CPXM2: variants seen among roughly 807,000 people sequenced by gnomAD.
CPXM2 encodes carboxypeptidase X, M14 family member 2.
In CPXM2, 66 loss-of-function variants were observed where a neutral mutation model predicts 86.1. The ratio of observed to expected loss-of-function variants is 0.77; its 90% CI spans 0.63 to 0.94. CPXM2 has a LOEUF of 0.94. Among genes scored for constraint, CPXM2 ranks in the 40% least tolerant of loss-of-function variants. The probability of loss-of-function intolerance (pLI) is 0.00; values close to 1 mark genes in which losing one functional copy is unlikely to be tolerated. For synonymous variants in CPXM2, 388 were observed against 400.2 expected (o/e 0.97, Z 0.36); for missense variants, 948 against 1,026.3 (o/e 0.92, Z 1.04).
chr10:123,752,486 G>T lies in CPXM2; in HGVS notation c.2017+2177C>A, dbSNP rs1205635570. ...ACACATTTCCCCCATTTACATATTT[G>T]GTCTTTTATGCCAGGCCCACTGCTA... On this transcript the variant is annotated intron_variant, in intron 13 of 13. Transcript: ENST00000241305. 8.1e-6 allele frequency: 8 copies of T among 985,226 alleles called. No individual in the cohort carries two copies. In the African/African-American group the frequency reaches 1.2e-4, roughly 15 times the overall value. The allele number at this position is 985,226 out of a possible 1,614,324, so 61.0% of individuals were successfully genotyped here. A position where few individuals can be genotyped will look rare whatever the true frequency, so the allele number is the denominator to read the frequency against.
chr10:123,923,726 G>A (rs1945598334), intron 2 of CPXM2, among the ~76,000 whole-genome samples: 1 of 152,240 alleles, frequency 6.6e-6, no homozygotes, highest in Non-Finnish European at 1.5e-5. Context: ...GAAGGACCCA[G>A]TGGGAGATAA....
intron 1 of CPXM2, among the ~76,000 whole-genome samples, chr10:123,880,759 G>C (rs1454790115): frequency 7.0e-6 from 1 of 143,606 alleles, no homozygotes; most frequent in Non-Finnish European, 1.5e-5. Flanking sequence ...AACCTGGGAG[G>C]CAGAGCTTGC....
chr10:123,850,754 C>G (rs1410354164), intron 3 of CPXM2, among the ~76,000 whole-genome samples: 1 of 152,214 alleles, frequency 6.6e-6, no homozygotes, highest in East Asian at 1.9e-4. Context: ...AAATCGTATG[C>G]TGACGCTGCT....
At position 123,788,451 on chromosome 10, in the gene CPXM2, C is replaced by G. The variant is rs1054759407; in HGVS notation, c.890-8196G>C. Among the ~76,000 whole-genome samples the G allele has an allele frequency of 5.9e-5, 9 of 152,248 alleles. No individual in the cohort carries two copies. The East Asian group carries it at 1.4e-3, about 23-fold the overall frequency. On this transcript the variant is annotated intron_variant, in intron 6 of 13. Coordinates refer to ENST00000241305, the MANE Select transcript of CPXM2 (RefSeq NM_198148.3). ...AGCAAGCCCGATACGAAACTTCCCCCCTCCAGGAGGTTGCCTGCCCACGAA... is the reference window on the plus strand; with the variant it reads ...AGCAAGCCCGATACGAAACTTCCCCGCTCCAGGAGGTTGCCTGCCCACGAA...
chr10:123,877,667 C>T (rs28502277), intron 2 of CPXM2, among the ~76,000 whole-genome samples: 25,126 of 152,110 alleles, frequency 0.17, 2,427 homozygotes, highest in African/African-American at 0.25. Context: ...CCAGCTTTGG[C>T]AAAGGGAACT....
In CPXM2 at chr10:123,761,932, C is replaced by T. The variant is rs751042921; in HGVS notation, c.1717G>A (p.Glu573Lys). ...TDARRRVCHTEDFQKEEGTVN... is the reference protein window; with the variant it reads ...TDARRRVCHTKDFQKEEGTVN... ...GTGCCCTCCTCCTTCTGGAAGTCCT[C>T]CGTGTGGCACACCCTCCTCCGGGCG... The change falls in exon 11 of 14, where the codon GAG (glutamate) becomes AAG (lysine). Residue 573 changes from glutamate (E) to lysine (K), a missense_variant. By Grantham distance (56) the Glu-to-Lys change is moderately conservative (BLOSUM62 1). Coordinates refer to ENST00000241305, the MANE Select transcript of CPXM2 (RefSeq NM_198148.3). 1.9e-6 allele frequency: 3 copies of T among 1,613,884 alleles called. No individual in the cohort carries two copies. Among genetic ancestry groups the T allele is most frequent in the South Asian group, 1.1e-5 (1 of 91,048 alleles).
At chr10:123,802,509 C>CTG (rs1847482541) in intron 4 of CPXM2, among the ~76,000 whole-genome samples, 1 of 152,216 alleles carries the variant, frequency 6.6e-6, no homozygotes, top group Admixed American at 6.5e-5. Flanking sequence ...TTCTACTACT[C>CTG]TACTCTGAGA....
At chr10:123,813,560 T>A (rs1332977859) in intron 4 of CPXM2, among the ~76,000 whole-genome samples, 1 of 152,236 alleles carries the variant, frequency 6.6e-6, no homozygotes, top group Non-Finnish European at 1.5e-5. Context: ...AATTCTTACA[T>A]CTTAAACCTA....
chr10:123,845,723 T>C (rs1456613803), intron 3 of CPXM2, among the ~76,000 whole-genome samples: 2 of 152,134 alleles, frequency 1.3e-5, no homozygotes, highest in Non-Finnish European at 2.9e-5. Context: ...TGTAAGAATC[T>C]AGTACACATA....
intron 2 of CPXM2, among the ~76,000 whole-genome samples, chr10:123,937,056 T>C (rs185557022): frequency 2.9e-4 from 44 of 152,314 alleles, no homozygotes; most frequent in Non-Finnish European, 4.4e-5. Context: ...GGTGGCAAAG[T>C]TGGGACTTTT....
chr10:123,910,137 G>GCCCCA (rs902736025), intron 2 of CPXM2, among the ~76,000 whole-genome samples: 18 of 152,144 alleles, frequency 1.2e-4, no homozygotes, highest in Middle Eastern at 3.4e-3. Flanking sequence ...ACTGAACCCA[G>GCCCCA]CCCCACCGAG....
At chr10:123,836,427 GAC>G (rs1217485770) in intron 4 of CPXM2, among the ~76,000 whole-genome samples, 4 of 151,896 alleles carry the variant, frequency 2.6e-5, no homozygotes, top group African/African-American at 4.8e-5. Context: ...CCTCACTCCT[GAC>G]ACAGTTTGTG....
chr10:123,846,049 T>C (rs922567303), intron 3 of CPXM2, among the ~76,000 whole-genome samples: 4 of 152,314 alleles, frequency 2.6e-5, no homozygotes, highest in African/African-American at 4.8e-5. Flanking sequence ...CTATTTTTCA[T>C]ACACCATTTC....
intron 4 of CPXM2, among the ~76,000 whole-genome samples, chr10:123,837,827 G>T (rs944501625): frequency 6.6e-6 from 1 of 152,098 alleles, no homozygotes; most frequent in Non-Finnish European, 1.5e-5. Flanking sequence ...ATAAAACTGC[G>T]GTTGTAGAAC....
intron 11 of CPXM2, among the ~76,000 whole-genome samples, chr10:123,760,349 T>C (rs1276712650): frequency 1.3e-5 from 2 of 152,206 alleles, no homozygotes; most frequent in African/African-American, 2.4e-5. Flanking sequence ...CCATTAGGAA[T>C]TCTTCTTGAT....
At chr10:123,923,049 C>G (rs1420813135) in intron 2 of CPXM2, among the ~76,000 whole-genome samples, 3 of 152,128 alleles carry the variant, frequency 2.0e-5, no homozygotes, top group Non-Finnish European at 4.4e-5. Flanking sequence ...GCCTCTATAG[C>G]TAACTCCTGG....
At chr10:123,942,485 T>C (rs1945786239), upstream of CPXM2, among the ~76,000 whole-genome samples, 2 of 152,236 alleles carry the variant, frequency 1.3e-5, no homozygotes, top group East Asian at 1.9e-4. Flanking sequence ...CTGCTCATTA[T>C]ATGCTAATTA....
At chr10:123,851,153 T>G (rs1181172972) in intron 3 of CPXM2, among the ~76,000 whole-genome samples, 1 of 152,222 alleles carries the variant, frequency 6.6e-6, no homozygotes, top group Non-Finnish European at 1.5e-5. Context: ...AACCACAGTG[T>G]AGCTCCAGTC....
chr10:123,815,047 A>C (rs2134100156), intron 4 of CPXM2, among the ~76,000 whole-genome samples: 1 of 152,320 alleles, frequency 6.6e-6, no homozygotes, highest in East Asian at 1.9e-4. Flanking sequence ...GATTTATGTA[A>C]AATAAATACA....
Sources: allele counts gnomAD v4.1 joint callset (sites outside exome capture counted in the v4.1 genomes callset), GRCh38; gene constraint gnomAD v4.1.1; transcripts MANE v1.5; gene names NCBI Gene and HGNC (gene_info 2026-07-23, HGNC 2026-07-21).